The following PLD1 variants were observed in gnomAD, a reference collection of about 807,000 sequenced individuals.
PLD1 encodes phospholipase D1.
PLD1 carries 112 observed loss-of-function variants against 137.1 expected under a neutral mutation model. The observed-to-expected ratio is 0.82, with a 90% CI of 0.70 to 0.96. The LOEUF (loss-of-function observed/expected upper bound fraction) is 0.96, where lower values mean the gene tolerates loss of function less well. PLD1 is among the 40% of genes least tolerant of loss of function. The pLI is 0.00. For synonymous variants in PLD1, 431 were observed against 454.7 expected (o/e 0.95, Z 0.66); for missense variants, 1,321 against 1,342.0 (o/e 0.98, Z 0.24).
chr3:171,632,294 T>C (rs1734736289), intron 23 of PLD1, among the ~76,000 whole-genome samples: 1 of 152,188 alleles, frequency 6.6e-6, no homozygotes, highest in Non-Finnish European at 1.5e-5. Flanking sequence ...GATTGAAAGA[T>C]AATTTCAGAT....
intron 23 of PLD1, among the ~76,000 whole-genome samples, chr3:171,626,978 A>T (rs1734169837): frequency 6.6e-6 from 1 of 152,224 alleles, no homozygotes. Context: ...AGCTAACATC[A>T]TAATGACAGG....
intron 21 of PLD1, among the ~76,000 whole-genome samples, chr3:171,648,779 A>C (rs56989311): frequency 0.51 from 77,266 of 151,940 alleles, 20,669 homozygotes; most frequent in African/African-American, 0.68. Context: ...TGGTCTCGAT[A>C]TCCTGACCTC....
rs1335886422 is a variant in PLD1 at position 171,603,222 on chromosome 3, C to T, written c.3081G>A (p.Lys1027=). ...RDFINKPVLA[K]EDPIRAEEEL... ...CCTCCTCAGCTCGAATGGGATCTTC[C>T]TTAGCTAATACGGGCTTGTTTATAA... The change falls in exon 27 of 27, where the codon AAG becomes AAA. Residue 1027 remains lysine, a synonymous_variant. Coordinates refer to ENST00000351298, the MANE Select transcript of PLD1 (RefSeq NM_002662.5). 2 of 1,614,070 alleles carry T rather than the reference C, an allele frequency of 1.2e-6. No homozygotes were observed. The highest frequency in any genetic ancestry group is 1.1e-5 in the South Asian group (1 of 91,072).
intron 1 of PLD1, among the ~76,000 whole-genome samples, chr3:171,782,796 A>T (rs1372342070): frequency 6.6e-6 from 1 of 152,234 alleles, no homozygotes; most frequent in Non-Finnish European, 1.5e-5. Context: ...TGAAGAATTA[A>T]GAGGAGGTAT....
intron 16 of PLD1, among the ~76,000 whole-genome samples, chr3:171,684,318 A>T (rs1714327848): frequency 6.6e-6 from 1 of 152,206 alleles, no homozygotes; most frequent in South Asian, 2.1e-4. Flanking sequence ...TAACTTCAGT[A>T]ATAAAGCAGC....
chr3:171,691,322 G>T (rs1715128729), intron 13 of PLD1, among the ~76,000 whole-genome samples: 1 of 152,012 alleles, frequency 6.6e-6, no homozygotes, highest in Non-Finnish European at 1.5e-5. Context: ...GTAATTATTT[G>T]TAAGATACTT....
rs577611368 is a variant in PLD1 at position 171,740,565 on chromosome 3, C to T, written c.-31-2483G>A. On this transcript the variant is annotated intron_variant, in intron 1 of 26. Coordinates refer to ENST00000351298, the MANE Select transcript of PLD1 (RefSeq NM_002662.5). ...AAAAACAAAGGTTACTCCAAATAAC[C>T]TTCCTTTTGAACTATGTGCTGATCT... Among the ~76,000 whole-genome samples the T allele has an allele frequency of 8.5e-5, 13 of 152,212 alleles. No individual in the cohort carries two copies. The East Asian group carries it at 2.5e-3, about 29-fold the overall frequency.
In PLD1 at chr3:171,602,981, T is replaced by C. The variant is rs1292076491; in HGVS notation, c.*97A>G. On this transcript the variant is annotated 3_prime_UTR_variant, in exon 27 of 27. Coordinates refer to ENST00000351298, the MANE Select transcript of PLD1 (RefSeq NM_002662.5). ...AAGGTCCTTGGGTTGGATACGAGAA[T>C]GCGTCAGGCCTGGCTTTGGCTATGA... is the stretch of plus-strand genomic sequence containing the variant. The C allele has an allele frequency of 1.2e-6, 1 of 828,008 alleles. No homozygotes were observed. Among genetic ancestry groups the C allele is most frequent in the Non-Finnish European group, 2.0e-6 (1 of 503,934 alleles). 51.3% of individuals were successfully genotyped at this position (828,008 alleles called of 1,614,324 possible). A position where few individuals can be genotyped will look rare whatever the true frequency, so the allele number is the denominator to read the frequency against.
At position 171,692,246 on chromosome 3, in the gene PLD1, G is replaced by T. The variant is rs778222066; in HGVS notation, c.1338+86C>A. 86 of 683,372 alleles carry T rather than the reference G, an allele frequency of 1.3e-4. 1 individual carries two copies. Among genetic ancestry groups the T allele is most frequent in the Non-Finnish European group, 2.1e-4 (80 of 380,644 alleles). 42.3% of individuals were successfully genotyped at this position (683,372 alleles called of 1,614,324 possible). A position where few individuals can be genotyped will look rare whatever the true frequency, so the allele number is the denominator to read the frequency against. On this transcript the variant is annotated intron_variant, in intron 13 of 26. Coordinates refer to ENST00000351298, the MANE Select transcript of PLD1 (RefSeq NM_002662.5). Reference sequence around the variant, plus strand: ...CAAATATACATTTGGGCATTCTATAGATTATTACTGCCCAGAACAAAACAT... The same window carrying T: ...CAAATATACATTTGGGCATTCTATATATTATTACTGCCCAGAACAAAACAT...
At chr3:171,647,950 C>A (rs1490896945) in intron 21 of PLD1, among the ~76,000 whole-genome samples, 1 of 152,082 alleles carries the variant, frequency 6.6e-6, no homozygotes, top group Non-Finnish European at 1.5e-5. Flanking sequence ...CTGGATTTTG[C>A]ATATAATTAG....
In PLD1 at chr3:171,612,393, C is replaced by T. The variant is rs567323716; in HGVS notation, c.2768G>A (p.Arg923His). Residue 923 changes from arginine to histidine, a missense_variant, in exon 25 of 27, where the codon CGT becomes CAT. By Grantham distance (29) the Arg-to-His change is conservative (BLOSUM62 0). Coordinates refer to ENST00000351298, the MANE Select transcript of PLD1 (RefSeq NM_002662.5). The surrounding 1 kb of genome is among the most constrained non-coding windows in gnomAD (Gnocchi z 4.1). ...CACAATGACAGCCATTTCACTGTCA[C>T]GCTTTCCCAGCATGCTGCGGTCATT... Reference protein sequence around the residue: ...NINDRSMLGKRDSEMAVIVQD... With the variant: ...NINDRSMLGKHDSEMAVIVQD... The T allele has an allele frequency of 1.8e-4, 287 of 1,614,024 alleles. 3 individuals are homozygous for T. The South Asian group carries it at 2.5e-3, about 14-fold the overall frequency.
chr3:171,654,593 A>C (rs1168046365), intron 21 of PLD1, among the ~76,000 whole-genome samples: 1 of 152,148 alleles, frequency 6.6e-6, no homozygotes, highest in Non-Finnish European at 1.5e-5. Context: ...CAGTGTTTAA[A>C]AATGTGTCTA....
intron 3 of PLD1, among the ~76,000 whole-genome samples, chr3:171,736,290 T>C (rs895212643): frequency 2.0e-5 from 3 of 152,140 alleles, no homozygotes; most frequent in African/African-American, 7.2e-5. Flanking sequence ...ACCTATAATG[T>C]AAGCACTGTT....
intron 23 of PLD1, among the ~76,000 whole-genome samples, chr3:171,626,621 A>ATTTGCTTTACAG (rs1560157237): frequency 3.9e-5 from 6 of 152,004 alleles, no homozygotes; most frequent in African/African-American, 1.5e-4. Context: ...GGTTACCCAC[A>ATTTGCTTTACAG]AAGGGAAGCC....
intron 24 of PLD1, among the ~76,000 whole-genome samples, chr3:171,618,848 A>AGTGTGTGTGTGT (rs138468678): frequency 2.3e-5 from 3 of 128,596 alleles, no homozygotes; most frequent in African/African-American, 1.0e-4. Flanking sequence ...AAATATTAAA[A>AGTGTGTGTGTGT]GTGTGTGTGC....
chr3:171,620,358 A>T, intron 24 of PLD1, 28 bp downstream of exon 24: 1 of 1,487,484 alleles, frequency 6.7e-7, no homozygotes, highest in Middle Eastern at 1.8e-4. Flanking sequence ...GGCAAGGAAT[A>T]CAATTATAGA....
chr3:171,681,852 C>T lies in PLD1; in HGVS notation c.1868-4158G>A, dbSNP rs147706325. ...CAGTTTAGAAACAGCTTAATATTAT[C>T]CCTTGTGACGAGACATTCAAATTTG... On this transcript the variant is annotated intron_variant, in intron 16 of 26. Coordinates refer to ENST00000351298, the MANE Select transcript of PLD1 (RefSeq NM_002662.5). Among the ~76,000 whole-genome samples the T allele has an allele frequency of 6.6e-5, 10 of 152,246 alleles. No homozygotes were observed. In the East Asian group the frequency reaches 1.9e-3, roughly 29 times the overall value.
At chr3:171,661,828 A>C (rs1304853554) in intron 20 of PLD1, among the ~76,000 whole-genome samples, 1 of 152,206 alleles carries the variant, frequency 6.6e-6, no homozygotes, top group Non-Finnish European at 1.5e-5. Flanking sequence ...TTAACAGCAA[A>C]GATTTGTGAG....
chr3:171,780,654 G>T (rs1435499579), intron 1 of PLD1, among the ~76,000 whole-genome samples: 1 of 152,170 alleles, frequency 6.6e-6, no homozygotes, highest in African/African-American at 2.4e-5. Context: ...TGTCAAAGGA[G>T]CTGAGAGATG....
Sources: allele counts gnomAD v4.1 joint callset (sites outside exome capture counted in the v4.1 genomes callset), GRCh38; gene constraint gnomAD v4.1.1; non-coding constraint Gnocchi (gnomAD v3.1); transcripts MANE v1.5; gene names NCBI Gene and HGNC (gene_info 2026-07-23, HGNC 2026-07-21).